The following GJA3 variants were observed in gnomAD, a reference collection of about 807,000 sequenced individuals.
GJA3 encodes the protein gap junction protein alpha 3.
For missense variants in GJA3, 571 were observed against 620.3 expected (o/e 0.92, Z 0.84); for synonymous variants, 297 against 292.6 (o/e 1.02, Z -0.15).
intron 1 of GJA3, among the ~76,000 whole-genome samples, chr13:20,145,030 A>C (rs889747432): frequency 1.3e-5 from 2 of 152,098 alleles, no homozygotes; most frequent in African/African-American, 4.8e-5. Flanking sequence ...ATAATACATA[A>C]GTTAGCCAGG....
Position 20,142,391 on chromosome 13 carries a change from G to C in GJA3, c.898C>G (p.Leu300Val), listed in dbSNP as rs994805980. The change falls in exon 2 of 2, where the codon CTA (leucine) becomes GTA (valine). Residue 300 changes from leucine to valine, a missense_variant. Leu to Val is a conservative substitution (Grantham distance 32, BLOSUM62 1). Coordinates refer to ENST00000241125, the MANE Select transcript of GJA3 (RefSeq NM_021954.4). ...TTTCCGCGCGCCTCGGTCAGGGCTA[G>C]CAGTTTGAAGTCCGCGGCTGGTGGC... ...APPPAADFKL[L>V]ALTEARGKGQ... 7.2e-6 allele frequency: 11 copies of C among 1,522,946 alleles called. No individual in the cohort carries two copies. The African/African-American group carries it at 1.4e-4, about 19-fold the overall frequency. The allele number at this position is 1,522,946 out of a possible 1,614,324, so 94.3% of individuals were successfully genotyped here. A position where few individuals can be genotyped will look rare whatever the true frequency, so the allele number is the denominator to read the frequency against.
intron 1 of GJA3, among the ~76,000 whole-genome samples, chr13:20,147,302 C>T (rs1958848744): frequency 1.3e-5 from 2 of 152,176 alleles, no homozygotes; most frequent in Non-Finnish European, 2.9e-5. Flanking sequence ...AGGGGAGAAC[C>T]TTATTTGTTC....
intron 1 of GJA3, among the ~76,000 whole-genome samples, chr13:20,154,240 G>C (rs935162219): frequency 2.6e-5 from 4 of 152,232 alleles, no homozygotes; most frequent in Admixed American, 1.3e-4. Context: ...AAGTGCAATG[G>C]CTTCACTGCT....
chr13:20,157,395 A>C (rs1450563143), intron 1 of GJA3, among the ~76,000 whole-genome samples: 2 of 152,246 alleles, frequency 1.3e-5, no homozygotes, highest in African/African-American at 4.8e-5. Flanking sequence ...GACATCCTTC[A>C]GGAACCTTAC....
rs367860409 is a variant in GJA3 at position 20,143,308 on chromosome 13, G to C, written c.-17-3C>G. 66 of 1,508,072 alleles carry C rather than the reference G, an allele frequency of 4.4e-5. No homozygotes were observed. Among genetic ancestry groups the C allele is most frequent in the Non-Finnish European group, 5.6e-5 (64 of 1,134,226 alleles). 93.4% of individuals were successfully genotyped at this position (1,508,072 alleles called of 1,614,324 possible). On this transcript the variant is annotated splice_region_variant and splice_polypyrimidine_tract_variant and intron_variant, in intron 1 of 1. Coordinates refer to ENST00000241125, the MANE Select transcript of GJA3 (RefSeq NM_021954.4). ...GCCCATTGCTTCAGATTCCTAACCTGTAAGAGGAAAATGCTCATGAACACC... is the reference window on the plus strand; with the variant it reads ...GCCCATTGCTTCAGATTCCTAACCTCTAAGAGGAAAATGCTCATGAACACC...
chr13:20,155,806 T>C (rs1036164301), intron 1 of GJA3, among the ~76,000 whole-genome samples: 1 of 152,172 alleles, frequency 6.6e-6, no homozygotes, highest in Admixed American at 6.6e-5. Flanking sequence ...TACTATAAAA[T>C]ACACATATAC....
At chr13:20,153,035 C>T (rs1958887642) in intron 1 of GJA3, among the ~76,000 whole-genome samples, 2 of 152,186 alleles carry the variant, frequency 1.3e-5, no homozygotes, top group South Asian at 4.1e-4. Context: ...GCAAGACTGT[C>T]TTCCATTAGC....
intron 1 of GJA3, among the ~76,000 whole-genome samples, chr13:20,151,852 G>C (rs533454669): frequency 1.3e-5 from 2 of 152,238 alleles, no homozygotes; most frequent in South Asian, 4.2e-4. Flanking sequence ...ACAGTCTATG[G>C]GGGCAGGGGC....
chr13:20,159,456 CAAAAAAAAAAAAAAAAA>C (rs57613247), intron 1 of GJA3, among the ~76,000 whole-genome samples: 10 of 51,748 alleles, frequency 1.9e-4, no homozygotes, highest in Non-Finnish European at 2.4e-4. Context: ...GACTCCATCT[CAAAAAAAAAAAAAAAAA>C]AAAAAAAAAA....
intron 1 of GJA3, among the ~76,000 whole-genome samples, chr13:20,147,767 C>T (rs970645784): frequency 2.0e-5 from 3 of 152,146 alleles, no homozygotes; most frequent in African/African-American, 7.2e-5. Context: ...ATTGTTCCTT[C>T]ATTGTGGTTT....
At chr13:20,161,239 C>T (rs1409575548), upstream of GJA3, among the ~76,000 whole-genome samples, 2 of 152,162 alleles carry the variant, frequency 1.3e-5, no homozygotes, top group African/African-American at 4.8e-5. Flanking sequence ...CACGTCCATG[C>T]CTAGCGCCTG....
chr13:20,143,705 C>A (rs1421310506), intron 1 of GJA3, among the ~76,000 whole-genome samples: 1 of 152,230 alleles, frequency 6.6e-6, no homozygotes, highest in Non-Finnish European at 1.5e-5. Context: ...CTGCCATCCC[C>A]ATGCCCATGC....
In GJA3 at chr13:20,141,843, A is replaced by G. The variant is rs1958808762; in HGVS notation, c.*138T>C. The G allele has an allele frequency of 7.8e-7, 1 of 1,279,452 alleles. No homozygotes were observed. The allele number at this position is 1,279,452 out of a possible 1,614,324, so 79.3% of individuals were successfully genotyped here. On this transcript the variant is annotated 3_prime_UTR_variant, in exon 2 of 2. Coordinates refer to ENST00000241125, the MANE Select transcript of GJA3 (RefSeq NM_021954.4). ...AACACGGAAACCTGATCTCTCCTCC[A>G]TCGTCCACCTCCTGGGACTCCAGTC... is the stretch of plus-strand genomic sequence containing the variant.
intron 1 of GJA3, among the ~76,000 whole-genome samples, chr13:20,154,680 A>T (rs1040605743): frequency 1.3e-5 from 2 of 152,180 alleles, no homozygotes; most frequent in African/African-American, 4.8e-5. Flanking sequence ...TTTAATTTTT[A>T]TCAGACTAAA....
At chr13:20,146,384 C>T (rs1390957117) in intron 1 of GJA3, among the ~76,000 whole-genome samples, 4 of 152,178 alleles carry the variant, frequency 2.6e-5, no homozygotes, top group African/African-American at 9.7e-5. Flanking sequence ...AAACATGGGG[C>T]CAAATAACTA....
At chr13:20,159,869 C>CT (rs1194800659) in intron 1 of GJA3, among the ~76,000 whole-genome samples, 1 of 152,188 alleles carries the variant, frequency 6.6e-6, no homozygotes, top group African/African-American at 2.4e-5. Context: ...ATAAATCCCT[C>CT]TTTTTTCCTC....
At chr13:20,147,204 G>C (rs1369088753) in intron 1 of GJA3, among the ~76,000 whole-genome samples, 1 of 152,202 alleles carries the variant, frequency 6.6e-6, no homozygotes, top group Non-Finnish European at 1.5e-5. Flanking sequence ...TAAGCACAGG[G>C]GATTGGTTAA....
chr13:20,160,254 T>A (rs1958929301), intron 1 of GJA3, among the ~76,000 whole-genome samples: 1 of 152,106 alleles, frequency 6.6e-6, no homozygotes, highest in Non-Finnish European at 1.5e-5. Flanking sequence ...GTTGAACACA[T>A]CATAACAAAC....
intron 1 of GJA3, among the ~76,000 whole-genome samples, chr13:20,148,686 C>T (rs1375261963): frequency 6.6e-6 from 1 of 152,240 alleles, no homozygotes; most frequent in Non-Finnish European, 1.5e-5. Context: ...TATGCCAGGA[C>T]TGACAGAGGC....
Sources: gnomAD v4.1 joint callset for allele counts (sites outside exome capture counted in the v4.1 genomes callset) on GRCh38, gnomAD v4.1.1 for gene constraint, MANE v1.5 for transcripts, NCBI Gene and HGNC (gene_info 2026-07-23, HGNC 2026-07-21) for gene names.